Variants in USP36 observed in about 807,000 individuals in gnomAD.
USP36 encodes ubiquitin specific peptidase 36.
In USP36, 59 loss-of-function variants were observed where a neutral mutation model predicts 111.5. The observed-to-expected ratio is 0.53, with a 90% CI of 0.43 to 0.66. The LOEUF (loss-of-function observed/expected upper bound fraction) is 0.66. Among genes scored for constraint, USP36 ranks in the 30% least tolerant of loss-of-function variants. The pLI, the probability that USP36 is intolerant of heterozygous loss-of-function variation, is 0.00. For synonymous variants in USP36, 628 were observed against 581.0 expected (o/e 1.08, Z -1.16); for missense variants, 1,488 against 1,468.0 (o/e 1.01, Z -0.22).
chr17:78,824,003 A>C (rs1476880938), intron 6 of USP36, among the ~76,000 whole-genome samples: 3 of 152,210 alleles, frequency 2.0e-5, no homozygotes, highest in Non-Finnish European at 4.4e-5. Flanking sequence ...TAGCTCCAGA[A>C]AACAGACATG....
At position 78,803,712 on chromosome 17, in the gene USP36, C is replaced by A; in HGVS notation, c.2483G>T (p.Arg828Leu). The change falls in exon 16 of 21, where the codon CGC (arginine) becomes CTC (leucine). Residue 828 changes from arginine (R) to leucine (L), a missense_variant. Transcript: ENST00000449938. This position sits in a 1 kb window ranked among gnomAD's most constrained non-coding sequence, Gnocchi z 4.6. Reference sequence around the variant, plus strand: ...GGCCTCCCTGATGTGCTGTGGGAGGCGCGTCTCTGAGCCCAGCCTCTGCGG... The same window carrying A: ...GGCCTCCCTGATGTGCTGTGGGAGGAGCGTCTCTGAGCCCAGCCTCTGCGG... ...GEPQRLGSET[R>L]LPQHIREATA... The A allele has an allele frequency of 6.2e-7, 1 of 1,611,952 alleles. No homozygotes were observed. Among genetic ancestry groups the A allele is most frequent in the Non-Finnish European group, 8.5e-7 (1 of 1,179,920 alleles).
At chr17:78,835,248 C>A in intron 4 of USP36, 32 bp downstream of exon 4, 1 of 1,604,784 alleles carries the variant, frequency 6.2e-7, no homozygotes, top group Non-Finnish European at 8.5e-7. Flanking sequence ...AGAGGACCCA[C>A]AGCCACCCCA....
chr17:78,828,014 G>A (rs1257466095), intron 5 of USP36, among the ~76,000 whole-genome samples: 1 of 152,102 alleles, frequency 6.6e-6, no homozygotes, highest in Non-Finnish European at 1.5e-5. Context: ...GCTTGGAGCT[G>A]GGAGTTGGAG....
intron 15 of USP36, among the ~76,000 whole-genome samples, chr17:78,805,006 G>A (rs1296511024): frequency 2.0e-5 from 3 of 152,148 alleles, no homozygotes; most frequent in South Asian, 2.1e-4. Context: ...ACACAGATGC[G>A]TAGAGCAGAA....
chr17:78,806,547 C>T (rs528684942), intron 14 of USP36, among the ~76,000 whole-genome samples: 27 of 152,190 alleles, frequency 1.8e-4, no homozygotes, highest in South Asian at 4.1e-4. Context: ...ATCCACGTGC[C>T]GTGGCTGCCC....
chr17:78,819,747 A>G (rs1012681921), intron 9 of USP36, among the ~76,000 whole-genome samples, 183 bp downstream of exon 9: 6 of 152,250 alleles, frequency 3.9e-5, no homozygotes, highest in Non-Finnish European at 1.5e-5. Context: ...AGCTATAAAA[A>G]TCATAGCTAT....
chr17:78,819,479 T>TA (rs1217130949), intron 9 of USP36, among the ~76,000 whole-genome samples: 1 of 152,138 alleles, frequency 6.6e-6, no homozygotes, highest in Non-Finnish European at 1.5e-5. Context: ...ACCAGTTAAG[T>TA]AAAAAATGAA....
intron 15 of USP36, 68 bp from the exon 16 acceptor site, chr17:78,804,046 T>G: frequency 8.5e-7 from 1 of 1,181,492 alleles, no homozygotes; most frequent in Non-Finnish European, 1.2e-6. Context: ...TCCTTCTGTC[T>G]ACCCTCACTC....
chr17:78,822,447 C>G (rs2145428873), intron 6 of USP36, among the ~76,000 whole-genome samples: 1 of 151,022 alleles, frequency 6.6e-6, no homozygotes, highest in East Asian at 2.0e-4. Flanking sequence ...TCACAGACAG[C>G]TGGTCCCCAA....
chr17:78,807,319 C>T lies in USP36; in HGVS notation c.1725G>A (p.Arg575=). ...GSQRQGSWDS[R]DVVLSTSPKL... ...TAGGTGAGGTAGAGAGGACAACATC[C>T]CTGCTGTCCCAGGAGCCCTGCCTTT... The change falls in exon 14 of 21, where the codon AGG becomes AGA. Residue 575 remains arginine, a synonymous_variant. Coordinates refer to ENST00000449938, the MANE Select transcript of USP36 (RefSeq NM_001385174.1). 3 of 1,614,200 alleles carry T rather than the reference C, an allele frequency of 1.9e-6. No individual in the cohort carries two copies. Among genetic ancestry groups the T allele is most frequent in the Non-Finnish European group, 2.5e-6 (3 of 1,180,032 alleles).
chr17:78,817,557 C>T (rs563201058), intron 10 of USP36, among the ~76,000 whole-genome samples: 24 of 151,994 alleles, frequency 1.6e-4, no homozygotes, highest in Non-Finnish European at 3.5e-4. Context: ...GAGTTCGAGA[C>T]CAGCCTGGCC....
chr17:78,821,387 A>AATATATATATATATATATATATATAC (rs2094315814), intron 7 of USP36: 4 of 54,782 alleles, frequency 7.3e-5, no homozygotes, highest in African/African-American at 4.4e-4. Context: ...TCCTAATGAG[A>AATATATATATATATATATATATATAC]ATATATATAT....
chr17:78,820,419 C>T (rs770560061), intron 8 of USP36, among the ~76,000 whole-genome samples: 5 of 152,118 alleles, frequency 3.3e-5, no homozygotes, highest in Admixed American at 2.6e-4. Context: ...GCTATGATTG[C>T]GCCACTGCAC....
chr17:78,806,320 T>C, intron 14 of USP36, 34 bp from the exon 15 acceptor site: 1 of 1,611,244 alleles, frequency 6.2e-7, no homozygotes. Flanking sequence ...AACTTGGTGG[T>C]CTAAAAAAGG....
At chr17:78,827,039 C>T (rs1426316483) in intron 6 of USP36, 3 of 703,710 alleles carry the variant, frequency 4.3e-6, no homozygotes, top group South Asian at 1.5e-5. Context: ...AGGACGTCTC[C>T]GGAGACAGCC....
At chr17:78,799,820 G>T in intron 17 of USP36, 52 bp from the exon 18 acceptor site, 2 of 1,406,360 alleles carry the variant, frequency 1.4e-6, no homozygotes, top group Non-Finnish European at 9.7e-7. Context: ...ATAACCCACT[G>T]GGGAAGCAAT....
At chr17:78,816,554 A>C (rs2094194430) in intron 10 of USP36, among the ~76,000 whole-genome samples, 1 of 151,884 alleles carries the variant, frequency 6.6e-6, no homozygotes, top group South Asian at 2.1e-4. Flanking sequence ...TGAACTTGGG[A>C]GGCAGATATT....
chr17:78,806,475 T>C (rs1166429902), intron 14 of USP36, among the ~76,000 whole-genome samples, 189 bp from the exon 15 acceptor site: 1 of 152,164 alleles, frequency 6.6e-6, no homozygotes, highest in Non-Finnish European at 1.5e-5. Flanking sequence ...CAGAAAAGTA[T>C]TTTTGGTTAG....
At chr17:78,834,094 A>G (rs186902784) in intron 4 of USP36, among the ~76,000 whole-genome samples, 1 of 152,162 alleles carries the variant, frequency 6.6e-6, no homozygotes, top group African/African-American at 2.4e-5. Context: ...TAAAAATACA[A>G]AAATTAGCCA....
Sources: gnomAD v4.1 joint callset for allele counts (sites outside exome capture counted in the v4.1 genomes callset) on GRCh38, gnomAD v4.1.1 for gene constraint, Gnocchi (gnomAD v3.1) non-coding constraint, MANE v1.5 for transcripts, NCBI Gene and HGNC (gene_info 2026-07-23, HGNC 2026-07-21) for gene names.